RUVBL2: variants seen among roughly 807,000 people sequenced by gnomAD.
RUVBL2 encodes the protein RuvB like AAA ATPase 2, also known as ruvB-like 2.
In RUVBL2, 9 loss-of-function variants were observed where a neutral mutation model predicts 57.9. The ratio of observed to expected loss-of-function variants is 0.16; its 90% CI spans 0.09 to 0.27. The LOEUF (loss-of-function observed/expected upper bound fraction) is 0.27. Among genes scored for constraint, RUVBL2 ranks in the 10% least tolerant of loss-of-function variants. The probability of loss-of-function intolerance (pLI) is 1.00; values close to 1 mark genes in which losing one functional copy is unlikely to be tolerated. For missense variants in RUVBL2, 456 were observed against 669.6 expected (o/e 0.68, Z 3.52); for synonymous variants, 278 against 264.6 (o/e 1.05, Z -0.49).
chr19:49,009,933 G>A (rs2039373838), intron 7 of RUVBL2, 40 bp from the exon 8 acceptor site: 3 of 1,611,846 alleles, frequency 1.9e-6, no homozygotes, highest in Non-Finnish European at 1.7e-6. Flanking sequence ...GCGAGCTTGG[G>A]CCCATTCCTT....
chr19:49,008,247 A>G (rs1488223137), intron 6 of RUVBL2, among the ~76,000 whole-genome samples: 1 of 148,224 alleles, frequency 6.7e-6, no homozygotes, highest in South Asian at 2.1e-4. Context: ...ATTTTATTAT[A>G]ATTTTTTTTT....
chr19:49,012,049 C>G (rs1269597390), intron 11 of RUVBL2, among the ~76,000 whole-genome samples: 1 of 152,144 alleles, frequency 6.6e-6, no homozygotes, highest in Non-Finnish European at 1.5e-5. Flanking sequence ...GCAGGCAGCC[C>G]CCATAGGCTG....
At chr19:48,995,585 C>T (rs541108915) in intron 1 of RUVBL2, among the ~76,000 whole-genome samples, 3 of 151,904 alleles carry the variant, frequency 2.0e-5, no homozygotes, top group East Asian at 1.9e-4. Flanking sequence ...CACAGTGGCT[C>T]ACGCCTGTAA....
intron 2 of RUVBL2, among the ~76,000 whole-genome samples, chr19:49,002,004 G>C (rs1012766733): frequency 6.6e-6 from 1 of 151,944 alleles, no homozygotes; most frequent in African/African-American, 2.4e-5. Context: ...GCCACAGACA[G>C]TATATAAATG....
Position 49,009,968 on chromosome 19 carries a change from T to C in RUVBL2, c.570-5T>C, listed in dbSNP as rs1162946483. Reference sequence around the variant, plus strand: ...TTCCTTACCCTACCCCCCATCCCCCTGTAGGGACGTGATCACCATCGACAA... The same window carrying C: ...TTCCTTACCCTACCCCCCATCCCCCCGTAGGGACGTGATCACCATCGACAA... On this transcript the variant is annotated splice_polypyrimidine_tract_variant and splice_region_variant and intron_variant, in intron 7 of 14. Coordinates refer to ENST00000595090, the MANE Select transcript of RUVBL2 (RefSeq NM_006666.3). The C allele has an allele frequency of 1.9e-6, 3 of 1,601,864 alleles. No homozygotes were observed. Among genetic ancestry groups the C allele is most frequent in the South Asian group, 2.2e-5 (2 of 89,874 alleles).
At chr19:48,998,342 C>T (rs2039105212) in intron 1 of RUVBL2, among the ~76,000 whole-genome samples, 1 of 152,174 alleles carries the variant, frequency 6.6e-6, no homozygotes, top group African/African-American at 2.4e-5. Flanking sequence ...AGAGCATGTC[C>T]AGCTCCATGC....
intron 8 of RUVBL2, 21 bp from the exon 9 acceptor site, chr19:49,010,467 T>TCCCTCCC: frequency 7.1e-7 from 1 of 1,401,208 alleles, no homozygotes; most frequent in Non-Finnish European, 9.9e-7. Flanking sequence ...CCGCCGTTCT[T>TCCCTCCC]CCCCCACCCC....
chr19:49,015,860 G>A lies in RUVBL2; in HGVS notation c.*18G>A, dbSNP rs111564806. 66 of 1,613,968 alleles carry A rather than the reference G, an allele frequency of 4.1e-5. No homozygotes were observed. The highest frequency in any genetic ancestry group is 3.2e-4 in the Admixed American group (19 of 59,996). The stretch of plus-strand genomic sequence containing the variant: ...CCTCCTGAGTTGGATGTCATCCCCC[G>A]ACCCCACCCTGTTTTCCACCAGAGT... On this transcript the variant is annotated 3_prime_UTR_variant, in exon 15 of 15. Transcript: ENST00000595090.
chr19:48,998,096 C>T (rs1226420713), intron 1 of RUVBL2, among the ~76,000 whole-genome samples: 2 of 152,228 alleles, frequency 1.3e-5, no homozygotes, highest in African/African-American at 4.8e-5. Flanking sequence ...TGTGAGATCA[C>T]ACAGGGAGAT....
At chr19:49,009,345 T>C (rs901017006) in intron 6 of RUVBL2, among the ~76,000 whole-genome samples, 3 of 145,870 alleles carry the variant, frequency 2.1e-5, no homozygotes, top group Admixed American at 6.9e-5. Context: ...AAATTAGCCA[T>C]GCGTGGTGGC....
At chr19:49,014,276 C>T (rs978212808) in intron 11 of RUVBL2, among the ~76,000 whole-genome samples, 4 of 152,208 alleles carry the variant, frequency 2.6e-5, no homozygotes, top group Admixed American at 2.0e-4. Flanking sequence ...AGCCCAGCTC[C>T]GCGGAAAGGT....
At chr19:48,994,053 A>C in intron 1 of RUVBL2, 130 bp downstream of exon 1, 1 of 801,450 alleles carries the variant, frequency 1.2e-6, no homozygotes. Context: ...TGGGTCTGAA[A>C]GAGGAGGAAG....
chr19:49,013,384 C>CT (rs141543194), intron 11 of RUVBL2, among the ~76,000 whole-genome samples: 9,451 of 147,686 alleles, frequency 0.064, 427 homozygotes, highest in Middle Eastern at 0.11. Flanking sequence ...TTTTTTGTGC[C>CT]TTTTTTTTTT....
chr19:49,007,105 C>T lies in RUVBL2; in HGVS notation c.353C>T (p.Ala118Val), dbSNP rs2039296400. The change falls in exon 5 of 15, where the codon GCG (alanine) becomes GTG (valine). Residue 118 changes from alanine (A) to valine (V), a missense_variant. By Grantham distance (64) the Ala-to-Val change is moderately conservative. This residue lies in a region of RUVBL2 where 233 missense variants were observed against 306.0 expected (regional missense o/e 0.76). Coordinates refer to ENST00000595090, the MANE Select transcript of RUVBL2 (RefSeq NM_006666.3). ...IFSLEMSKTE[A>V]LTQAFRRSIG... ...TCCCTGGAGATGAGCAAGACCGAGG[C>T]GCTGACGCAGGCCTTCCGGCGGTCC... 2 of 1,613,284 alleles carry T rather than the reference C, an allele frequency of 1.2e-6. No homozygotes were observed. The highest frequency in any genetic ancestry group is 1.7e-6 in the Non-Finnish European group (2 of 1,180,052).
At chr19:49,015,262 G>T in intron 13 of RUVBL2, 112 bp downstream of exon 13, 1 of 1,440,656 alleles carries the variant, frequency 6.9e-7, no homozygotes, top group Non-Finnish European at 9.4e-7. Context: ...TCAGACGCAG[G>T]GAATTTTCAT....
intron 6 of RUVBL2, among the ~76,000 whole-genome samples, 191 bp from the exon 7 acceptor site, chr19:49,009,585 G>T (rs529864813): frequency 6.6e-6 from 1 of 152,198 alleles, no homozygotes; most frequent in African/African-American, 2.4e-5. Flanking sequence ...ATGTTCAGCC[G>T]CGGAGCCATC....
At position 49,011,018 on chromosome 19, in the gene RUVBL2, G is replaced by A. The variant is rs16981038; in HGVS notation, c.807G>A (p.Lys269=). The part of the protein sequence containing the change: ...ALFSGDTGEI[K]SEVREQINAK... ...CCATAGGTGACACAGGGGAGATCAA[G>A]TCAGAAGTCCGTGAGCAGATCAATG... Residue 269 remains lysine (K), a synonymous_variant, in exon 10 of 15, where the codon AAG becomes AAA. Coordinates refer to ENST00000595090, the MANE Select transcript of RUVBL2 (RefSeq NM_006666.3). This position sits in a 1 kb window ranked among gnomAD's most constrained non-coding sequence, Gnocchi z 4.4. The A allele has an allele frequency of 8.2e-4, 1,319 of 1,612,916 alleles. 14 individuals carry two copies. The African/African-American group carries it at 0.015, about 18-fold the overall frequency.
chr19:48,994,176 G>T (rs2039006188), intron 1 of RUVBL2: 3 of 568,222 alleles, frequency 5.3e-6, no homozygotes, highest in Non-Finnish European at 6.3e-6. Context: ...CATGCTATAG[G>T]AACTCCAACT....
At chr19:49,007,894 A>T (rs1222349035) in intron 6 of RUVBL2, among the ~76,000 whole-genome samples, 1 of 151,618 alleles carries the variant, frequency 6.6e-6, no homozygotes, top group Non-Finnish European at 1.5e-5. Flanking sequence ...CTTTCAGTAG[A>T]GACGGGGTTT....
Sources: gnomAD v4.1 joint callset for allele counts (sites outside exome capture counted in the v4.1 genomes callset) on GRCh38, gnomAD v4.1.1 for gene constraint, gnomAD v4.1.1 regional missense constraint, Gnocchi (gnomAD v3.1) non-coding constraint, MANE v1.5 for transcripts, NCBI Gene and HGNC (gene_info 2026-07-23, HGNC 2026-07-21) for gene names.